The following SLC44A5 variants were observed in gnomAD, a reference collection of about 807,000 sequenced individuals.
SLC44A5 encodes solute carrier family 44 member 5, also known as choline transporter-like protein 5.
A neutral mutation model predicts 101.8 loss-of-function variants in SLC44A5; 57 were observed. That is an observed-to-expected ratio of 0.56 (90% CI 0.45 to 0.70). SLC44A5 has a LOEUF of 0.70. SLC44A5 is among the 30% of genes least tolerant of loss of function. SLC44A5 has a pLI of 0.00. For synonymous variants in SLC44A5, 281 were observed against 290.9 expected (o/e 0.97, Z 0.35); for missense variants, 737 against 853.1 (o/e 0.86, Z 1.70).
chr1:75,258,708 C>G (rs1650232203), intron 6 of SLC44A5, among the ~76,000 whole-genome samples: 1 of 152,154 alleles, frequency 6.6e-6, no homozygotes, highest in Admixed American at 6.5e-5. Flanking sequence ...AAGTGGGTCC[C>G]TGACCCCTGG....
At position 75,386,074 on chromosome 1, in the gene SLC44A5, T is replaced by C. The variant is rs551445395; in HGVS notation, c.52+10509A>G. Among the ~76,000 whole-genome samples, 651 of 152,082 alleles carry C rather than the reference T, an allele frequency of 4.3e-3. 6 individuals are homozygous for C. Among genetic ancestry groups the C allele is most frequent in the African/African-American group, 0.015 (631 of 41,466 alleles). On this transcript the variant is annotated intron_variant, in intron 3 of 23. Transcript: ENST00000370859. ...GGACGTATTTCAAAATAATAAGAGC[T>C]ATCTATGACAAACCCACAGCCAATA... is the stretch of plus-strand genomic sequence containing the variant.
intron 6 of SLC44A5, 124 bp downstream of exon 6, chr1:75,274,834 G>A (rs1488201442): frequency 1.4e-6 from 1 of 732,978 alleles, no homozygotes. Context: ...TAGAAAAAAG[G>A]GAGGGAAGGC....
At chr1:75,468,768 G>A (rs938926385) in intron 2 of SLC44A5, among the ~76,000 whole-genome samples, 2 of 152,136 alleles carry the variant, frequency 1.3e-5, no homozygotes, top group Non-Finnish European at 2.9e-5. Flanking sequence ...CAGCACAACA[G>A]GGTGACTATA....
At chr1:75,455,738 C>T (rs768724977) in intron 2 of SLC44A5, among the ~76,000 whole-genome samples, 22 of 151,842 alleles carry the variant, frequency 1.4e-4, no homozygotes, top group Non-Finnish European at 2.4e-4. Context: ...ATACAAGAGG[C>T]CAACAAATAT....
chr1:75,713,039 T>G, the SLC44A5 span, among the ~76,000 whole-genome samples: 1 of 152,208 alleles, frequency 6.6e-6, no homozygotes, highest in Non-Finnish European at 1.5e-5. Flanking sequence ...TAACTGCTCC[T>G]GTTCCGCCTA....
At chr1:75,302,747 TG>T (rs1654592356) in intron 4 of SLC44A5, among the ~76,000 whole-genome samples, 1 of 152,164 alleles carries the variant, frequency 6.6e-6, no homozygotes, top group African/African-American at 2.4e-5. Flanking sequence ...CAGGGTTACT[TG>T]AACACAAGCA....
chr1:75,475,455 T>G (rs867462918), intron 2 of SLC44A5, among the ~76,000 whole-genome samples: 1 of 152,354 alleles, frequency 6.6e-6, no homozygotes, highest in Admixed American at 6.5e-5. Flanking sequence ...TTTCTCTGAT[T>G]ACTCAGAAAG....
At chr1:75,635,001 T>C in the SLC44A5 span, among the ~76,000 whole-genome samples, 6 of 151,324 alleles carry the variant, frequency 4.0e-5, no homozygotes, top group Admixed American at 4.0e-4. Context: ...GGGCGAAGGA[T>C]ATGAACAGAC....
intron 2 of SLC44A5, among the ~76,000 whole-genome samples, chr1:75,474,466 C>G (rs1173903924): frequency 6.6e-6 from 1 of 152,196 alleles, no homozygotes; most frequent in Non-Finnish European, 1.5e-5. Context: ...TGCCAATATT[C>G]TCCTCTGACT....
chr1:75,641,229 A>G, the SLC44A5 span: 2 of 364,274 alleles, frequency 5.5e-6, no homozygotes, highest in Non-Finnish European at 9.9e-6. Context: ...TTTGAATAAA[A>G]TTTGTCTCCA....
intron 2 of SLC44A5, among the ~76,000 whole-genome samples, chr1:75,441,615 A>T (rs1378194252): frequency 6.6e-6 from 1 of 152,030 alleles, no homozygotes; most frequent in Non-Finnish European, 1.5e-5. Flanking sequence ...TATATTACCC[A>T]ATTACATAAT....
At chr1:75,341,826 A>G (rs530901996) in intron 3 of SLC44A5, among the ~76,000 whole-genome samples, 1 of 152,282 alleles carries the variant, frequency 6.6e-6, no homozygotes, top group East Asian at 1.9e-4. Context: ...ATCTGTCTGA[A>G]TAGCTGAAAT....
chr1:75,445,724 G>A (rs1199664368), intron 2 of SLC44A5, among the ~76,000 whole-genome samples: 2 of 151,796 alleles, frequency 1.3e-5, no homozygotes, highest in Non-Finnish European at 2.9e-5. Flanking sequence ...TCATAAATTT[G>A]TATTTACATC....
intron 3 of SLC44A5, among the ~76,000 whole-genome samples, chr1:75,364,270 C>T (rs1214913579): frequency 6.6e-6 from 1 of 152,046 alleles, no homozygotes; most frequent in Non-Finnish European, 1.5e-5. Context: ...GCAGGCTGTA[C>T]AGGAATCATG....
At chr1:75,702,300 T>C in the SLC44A5 span, among the ~76,000 whole-genome samples, 2 of 152,212 alleles carry the variant, frequency 1.3e-5, no homozygotes, top group East Asian at 1.9e-4. Flanking sequence ...GGTACTGGTA[T>C]CAAAACAGAG....
chr1:75,235,804 T>C (rs1335446123), intron 11 of SLC44A5, among the ~76,000 whole-genome samples: 2 of 151,980 alleles, frequency 1.3e-5, no homozygotes, highest in Non-Finnish European at 2.9e-5. Context: ...CAAGGACCCA[T>C]ATAGAAGTTA....
intron 2 of SLC44A5, among the ~76,000 whole-genome samples, chr1:75,494,291 T>C (rs1368991891): frequency 1.3e-5 from 2 of 152,186 alleles, no homozygotes; most frequent in African/African-American, 4.8e-5. Flanking sequence ...TATTCTGTTA[T>C]AGCAACACAC....
intron 1 of SLC44A5, among the ~76,000 whole-genome samples, chr1:75,583,808 G>A (rs1673838503): frequency 2.0e-5 from 3 of 152,092 alleles, no homozygotes; most frequent in South Asian, 4.1e-4. Context: ...GTACTCTTGG[G>A]GCTTCCCAAC....
intron 1 of SLC44A5, among the ~76,000 whole-genome samples, chr1:75,593,719 G>A (rs1378451806): frequency 6.6e-6 from 1 of 152,032 alleles, no homozygotes; most frequent in East Asian, 1.9e-4. Context: ...ATTATGTTAA[G>A]CGAAATAAGC....
Sources: gnomAD v4.1 joint callset for allele counts (sites outside exome capture counted in the v4.1 genomes callset) on GRCh38, gnomAD v4.1.1 for gene constraint, MANE v1.5 for transcripts, NCBI Gene and HGNC (gene_info 2026-07-23, HGNC 2026-07-21) for gene names.